UIMC1: variants seen among roughly 807,000 people sequenced by gnomAD.
UIMC1 encodes the protein ubiquitin interaction motif containing 1.
In UIMC1, 42 loss-of-function variants were observed where a neutral mutation model predicts 84.9. The ratio of observed to expected loss-of-function variants is 0.49; its 90% confidence interval spans 0.39 to 0.64. The LOEUF (loss-of-function observed/expected upper bound fraction) is 0.64. Ranked by LOEUF, UIMC1 falls within the 30% of genes least tolerant of loss-of-function variation. The pLI is 0.00. For synonymous variants in UIMC1, 281 were observed against 293.0 expected (o/e 0.96, Z 0.42); for missense variants, 825 against 847.6 (o/e 0.97, Z 0.33).
At chr5:176,917,465 G>A (rs1019536250) in intron 10 of UIMC1, among the ~76,000 whole-genome samples, 57 of 152,066 alleles carry the variant, frequency 3.7e-4, no homozygotes, top group African/African-American at 1.4e-3. Flanking sequence ...CCAGCTTCTC[G>A]GGAGGTTAAG....
In UIMC1 at chr5:176,981,045, C is replaced by T. The variant is rs376803558; in HGVS notation, c.147+1424G>A. Among the ~76,000 whole-genome samples the T allele has an allele frequency of 1.2e-4, 18 of 152,144 alleles. No individual in the cohort carries two copies. In the South Asian group the frequency reaches 3.7e-3, roughly 32 times the overall value. Reference sequence around the variant, plus strand: ...GATGAGTCACCAGGGATGTACCTACCCCTTGTTTTCTTCTCTATACGCTTA... The same window carrying T: ...GATGAGTCACCAGGGATGTACCTACTCCTTGTTTTCTTCTCTATACGCTTA... On this transcript the variant is annotated intron_variant, in intron 2 of 14. Transcript: ENST00000511320.
chr5:176,908,748 C>T, intron 11 of UIMC1, 54 bp from the exon 12 acceptor site: 1 of 1,565,900 alleles, frequency 6.4e-7, no homozygotes, highest in Non-Finnish European at 8.7e-7. Flanking sequence ...GCTTTTGCCT[C>T]TGGGCCCCTG....
intron 10 of UIMC1, among the ~76,000 whole-genome samples, chr5:176,930,041 T>C (rs956955358): frequency 6.6e-5 from 10 of 152,220 alleles, no homozygotes; most frequent in Non-Finnish European, 1.3e-4. Flanking sequence ...CAGTGGTGCA[T>C]AACAGAAACA....
intron 10 of UIMC1, chr5:176,919,067 T>A (rs567174209): frequency 8.9e-5 from 19 of 212,938 alleles, no homozygotes; most frequent in Non-Finnish European, 1.6e-4. Context: ...TCCATTCCGA[T>A]TCCTGTATCA....
At chr5:176,976,738 G>GA (rs1185034315) in intron 2 of UIMC1, among the ~76,000 whole-genome samples, 7 of 152,232 alleles carry the variant, frequency 4.6e-5, no homozygotes, top group African/African-American at 1.4e-4. Context: ...AATCCATATA[G>GA]AAAGTAGATC....
chr5:176,910,180 G>A (rs546004695), intron 11 of UIMC1, among the ~76,000 whole-genome samples: 19 of 152,174 alleles, frequency 1.2e-4, no homozygotes, highest in Non-Finnish European at 2.2e-4. Flanking sequence ...ATTCCTAGAC[G>A]AATGTCTACA....
chr5:176,984,429 G>C lies in UIMC1; in HGVS notation c.-8-1806C>G, dbSNP rs1479500337. Among the ~76,000 whole-genome samples the C allele has an allele frequency of 4.4e-4, 58 of 132,064 alleles. 3 individuals are homozygous for C. Among genetic ancestry groups the C allele is most frequent in the African/African-American group, 1.5e-3 (55 of 35,996 alleles). The allele number at this position is 132,064 out of a possible 152,430, so 86.6% of individuals were successfully genotyped here. A position where few individuals can be genotyped will look rare whatever the true frequency, so the allele number is the denominator to read the frequency against. On this transcript the variant is annotated intron_variant, in intron 1 of 14. Transcript: ENST00000511320. ...CGGCCGCCACCCCGTCTGGGAAGTG[G>C]GGAGCGCCTCTGCCCGGCTGCCTAT...
intron 1 of UIMC1, among the ~76,000 whole-genome samples, chr5:176,998,891 T>G (rs1341087976): frequency 6.6e-6 from 1 of 151,918 alleles, no homozygotes; most frequent in Non-Finnish European, 1.5e-5. Flanking sequence ...CATTTTATAA[T>G]TTAAAAATAA....
At chr5:176,957,142 C>T (rs768638094) in intron 7 of UIMC1, among the ~76,000 whole-genome samples, 2 of 152,168 alleles carry the variant, frequency 1.3e-5, no homozygotes, top group African/African-American at 2.4e-5. Context: ...TAAAGGCATA[C>T]TCTGTTAAAA....
chr5:176,994,735 T>C (rs2149527148), intron 1 of UIMC1, among the ~76,000 whole-genome samples: 1 of 152,196 alleles, frequency 6.6e-6, no homozygotes, highest in South Asian at 2.1e-4. Flanking sequence ...GCGGTGGGAA[T>C]GTGACAGTGC....
chr5:177,007,037 C>CTAGACGTGA (rs1448855550), upstream of UIMC1, among the ~76,000 whole-genome samples: 21 of 152,284 alleles, frequency 1.4e-4, no homozygotes, highest in East Asian at 4.1e-3. Flanking sequence ...CCAGCAATTT[C>CTAGACGTGA]ACGTCTAGAA....
intron 3 of UIMC1, among the ~76,000 whole-genome samples, chr5:176,973,627 GGTGTAGT>G (rs1164252635): frequency 6.6e-6 from 1 of 151,796 alleles, no homozygotes. Context: ...AAAATAGCTG[GGTGTAGT>G]GATGCACACC....
intron 6 of UIMC1, 106 bp from the exon 7 acceptor site, chr5:176,958,260 C>A: frequency 1.2e-6 from 1 of 867,964 alleles, no homozygotes; most frequent in South Asian, 2.3e-5. Flanking sequence ...CAACAATTAA[C>A]AATAAGAAGA....
intron 6 of UIMC1, among the ~76,000 whole-genome samples, chr5:176,968,310 T>C (rs915035654): frequency 6.6e-6 from 1 of 151,034 alleles, no homozygotes; most frequent in Non-Finnish European, 1.5e-5. Flanking sequence ...AGGTGGAGAT[T>C]GCAGTGAGCC....
At chr5:176,979,864 T>C (rs1215021827) in intron 2 of UIMC1, among the ~76,000 whole-genome samples, 7 of 152,246 alleles carry the variant, frequency 4.6e-5, no homozygotes, top group Middle Eastern at 6.8e-3. Flanking sequence ...TAGTAAAGTA[T>C]TATTTTCTGG....
chr5:176,951,775 T>C (rs534594017), intron 8 of UIMC1, among the ~76,000 whole-genome samples, 198 bp from the exon 9 acceptor site: 1 of 152,352 alleles, frequency 6.6e-6, no homozygotes, highest in South Asian at 2.1e-4. Context: ...AAATTTTCAG[T>C]ATACAGTTTA....
chr5:177,006,905 G>A (rs1389969348), upstream of UIMC1, among the ~76,000 whole-genome samples: 1 of 152,240 alleles, frequency 6.6e-6, no homozygotes, highest in Non-Finnish European at 1.5e-5. Context: ...TCAGTTGCTT[G>A]CGCTTTGGGG....
At chr5:176,917,310 G>A (rs914290851) in intron 10 of UIMC1, among the ~76,000 whole-genome samples, 1 of 152,188 alleles carries the variant, frequency 6.6e-6, no homozygotes, top group South Asian at 2.1e-4. Context: ...GGTGGCCCAC[G>A]CCTGTAATCC....
rs1440630029 is a variant in UIMC1, at chr5:176,978,956, C to T, written c.148-3476G>A. ...ACATTATTCTGGAAGCTACAGCCAA[C>T]GCAATGAAAACAAGCAAAAAAAGGT... On this transcript the variant is annotated intron_variant, in intron 2 of 14. Transcript: ENST00000511320. 3.3e-5 allele frequency among the ~76,000 whole-genome samples: 5 copies of T among 151,754 alleles called. No homozygotes were observed. In the East Asian group the frequency reaches 5.8e-4, roughly 18 times the overall value.
Sources: gnomAD v4.1 joint callset for allele counts (sites outside exome capture counted in the v4.1 genomes callset) on GRCh38, gnomAD v4.1.1 for gene constraint, MANE v1.5 for transcripts, NCBI Gene and HGNC (gene_info 2026-07-23, HGNC 2026-07-21) for gene names.